The following JPT2 variants were observed in gnomAD, a reference collection of about 807,000 sequenced individuals.
The protein encoded by JPT2 is CRAMP_1 like.
In JPT2, 9 loss-of-function variants were observed where a neutral mutation model predicts 15.9. The ratio of observed to expected loss-of-function variants is 0.57; its 90% CI spans 0.34 to 0.99. The LOEUF is 0.99. Ranked by LOEUF, JPT2 falls within the 50% of genes least tolerant of loss-of-function variation. JPT2 has a pLI of 0.02. For missense variants in JPT2, 267 were observed against 252.1 expected, an observed-to-expected ratio of 1.06 and a Z score of -0.40; for synonymous variants, 95 against 91.7, an observed-to-expected ratio of 1.04 and a Z score of -0.21.
intron 1 of JPT2, 82 bp from the exon 2 acceptor site, chr16:1,685,357 T>G: frequency 1.4e-6 from 2 of 1,416,306 alleles, no homozygotes; most frequent in Non-Finnish European, 1.9e-6. Context: ...ACTTTTACCC[T>G]GTCTAGTTGT....
At chr16:1,695,254 A>G (rs542722543) in intron 3 of JPT2, among the ~76,000 whole-genome samples, 1 of 152,180 alleles carries the variant, frequency 6.6e-6, no homozygotes, top group South Asian at 2.1e-4. Flanking sequence ...AAAAGTATAA[A>G]ATTAGCCGGG....
intron 2 of JPT2, 164 bp downstream of exon 2, chr16:1,685,751 T>C: frequency 2.7e-6 from 2 of 751,190 alleles, no homozygotes; most frequent in South Asian, 4.1e-5. Flanking sequence ...ACTTTCTCTC[T>C]TGAAGGTGAC....
chr16:1,695,488 C>T (rs1424957077), intron 3 of JPT2, among the ~76,000 whole-genome samples: 1 of 151,620 alleles, frequency 6.6e-6, no homozygotes, highest in African/African-American at 2.4e-5. Flanking sequence ...GGGAAGATTG[C>T]TTGAGCCCAG....
In JPT2 at chr16:1,699,828, C is replaced by T. The variant is rs2037168863; in HGVS notation, c.*830C>T. On this transcript the variant is annotated 3_prime_UTR_variant, in exon 5 of 5. Coordinates refer to ENST00000248098, the MANE Select transcript of JPT2 (RefSeq NM_144570.3). ...TCCCTTCACAAGTCACAGTTCTTCC[C>T]ATAAATGAGGCCCGCTGACCTCTGC... is the stretch of plus-strand genomic sequence containing the variant. The T allele has an allele frequency of 3.9e-6, 1 of 256,550 alleles. No homozygotes were observed. The highest frequency in any genetic ancestry group is 8.0e-6 in the Non-Finnish European group (1 of 125,014). The allele number at this position is 256,550 out of a possible 1,614,324, so 15.9% of individuals were successfully genotyped here.
chr16:1,679,676 G>A (rs985309330), intron 1 of JPT2, among the ~76,000 whole-genome samples: 9 of 149,222 alleles, frequency 6.0e-5, no homozygotes, highest in East Asian at 1.9e-4. Flanking sequence ...CAGCCTGTAC[G>A]ACAGAGCAAG....
intron 1 of JPT2, among the ~76,000 whole-genome samples, chr16:1,680,877 A>G (rs1342853398): frequency 6.6e-6 from 1 of 152,134 alleles, no homozygotes; most frequent in African/African-American, 2.4e-5. Context: ...GGGACAAACT[A>G]TTAGAGAGGG....
chr16:1,680,366 TGCACAGG>T, intron 1 of JPT2: 1 of 1,016,490 alleles, frequency 9.8e-7, no homozygotes, highest in Non-Finnish European at 1.2e-6. Context: ...AGAAGTTAGC[TGCACAGG>T]GCCGCACTAA....
At chr16:1,697,922 G>A in intron 4 of JPT2, 62 bp downstream of exon 4, 3 of 1,451,960 alleles carry the variant, frequency 2.1e-6, no homozygotes, top group Non-Finnish European at 2.9e-6. Context: ...AGAGTTGCTA[G>A]TCTCTCCTCT....
At chr16:1,678,688 G>T (rs7196848) in intron 1 of JPT2, among the ~76,000 whole-genome samples, 2,730 of 152,200 alleles carry the variant, frequency 0.018, 98 homozygotes, top group African/African-American at 0.062. Flanking sequence ...CGTGTGGTGC[G>T]TTCCGTGGGG....
At chr16:1,682,763 C>G (rs564807574) in intron 1 of JPT2, among the ~76,000 whole-genome samples, 97 of 152,266 alleles carry the variant, frequency 6.4e-4, no homozygotes, top group Admixed American at 1.2e-3. Flanking sequence ...CTAAGAGCAC[C>G]TCACCTAAAA....
chr16:1,695,173 A>G (rs944360365), intron 3 of JPT2, among the ~76,000 whole-genome samples: 17 of 152,154 alleles, frequency 1.1e-4, no homozygotes, highest in African/African-American at 4.1e-4. Flanking sequence ...TGGGAGGCCG[A>G]GGCAGGCGGA....
intron 1 of JPT2, chr16:1,683,423 T>TTTAAGCTTTAATATTTACC (rs2037040237): frequency 1.1e-6 from 1 of 877,566 alleles, no homozygotes; most frequent in Admixed American, 2.2e-5. Flanking sequence ...CCCTTTCTCA[T>TTTAAGCTTTAATATTTACC]TTAAGCTTGG....
chr16:1,694,348 C>A (rs2037126055), intron 3 of JPT2, among the ~76,000 whole-genome samples: 1 of 152,178 alleles, frequency 6.6e-6, no homozygotes, highest in Non-Finnish European at 1.5e-5. Context: ...TTAATTAACA[C>A]CACAGAGCTG....
intron 1 of JPT2, chr16:1,683,419 CTCATTTAAGCTT>C: frequency 2.4e-6 from 2 of 834,902 alleles, no homozygotes; most frequent in Non-Finnish European, 3.8e-6. Context: ...ACAGCCCTTT[CTCATTTAAGCTT>C]GGTTATTGGT....
rs942763237 is a variant in JPT2, at chr16:1,699,664, C to T, written c.*666C>T. 2.3e-5 allele frequency: 6 copies of T among 263,076 alleles called. No individual in the cohort carries two copies. The highest frequency in any genetic ancestry group is 1.3e-4 in the African/African-American group (6 of 45,444). The allele number at this position is 263,076 out of a possible 1,614,324, so 16.3% of individuals were successfully genotyped here. ...ATCTGAAACCTCGGCCTGATCTGAT[C>T]TCATGTTGGAATCTGCCTGTCTTTC... On this transcript the variant is annotated 3_prime_UTR_variant, in exon 5 of 5. Coordinates refer to ENST00000248098, the MANE Select transcript of JPT2 (RefSeq NM_144570.3).
chr16:1,685,496 T>C lies in JPT2; in HGVS notation c.102T>C (p.Ala34=). The part of the protein sequence containing the change: ...SSNLFGSPEE[A]TPSSRPNRMA... ...ATCTTTTTGGAAGTCCAGAAGAAGC[T>C]ACTCCTTCCAGCAGGCCTAATAGGA... is the stretch of plus-strand genomic sequence containing the variant. Residue 34 remains alanine (A), a synonymous_variant, in exon 2 of 5, where the codon GCT becomes GCC. Coordinates refer to ENST00000248098, the MANE Select transcript of JPT2 (RefSeq NM_144570.3). 1 of 1,614,164 alleles carries C rather than the reference T, an allele frequency of 6.2e-7. No homozygotes were observed. Among genetic ancestry groups the C allele is most frequent in the South Asian group, 1.1e-5 (1 of 91,082 alleles).
chr16:1,682,672 CA>C (rs531013322), intron 1 of JPT2, among the ~76,000 whole-genome samples: 1,458 of 115,224 alleles, frequency 0.013, 9 homozygotes, highest in African/African-American at 0.025. Flanking sequence ...GATTTCGTCT[CA>C]AAAAAAAAAA....
At position 1,685,473 on chromosome 16, in the gene JPT2, C is replaced by A. The variant is rs987887233; in HGVS notation, c.79C>A (p.Leu27Ile). 15 of 1,614,006 alleles carry A rather than the reference C, an allele frequency of 9.3e-6. No homozygotes were observed. Among genetic ancestry groups the A allele is most frequent in the Non-Finnish European group, 1.2e-5 (14 of 1,180,018 alleles). The change falls in exon 2 of 5, where the codon CTT (leucine) becomes ATT (isoleucine). Residue 27 changes from leucine to isoleucine, a missense_variant. Transcript: ENST00000248098. ...GCCCCCAGGAGGAGAATCGAGCAATCTTTTTGGAAGTCCAGAAGAAGCTAC... is the reference window on the plus strand; with the variant it reads ...GCCCCCAGGAGGAGAATCGAGCAATATTTTTGGAAGTCCAGAAGAAGCTAC... ...MKPPGGESSNLFGSPEEATPS... is the reference protein window; with the variant it reads ...MKPPGGESSNIFGSPEEATPS...
At chr16:1,682,121 A>G (rs1341922496) in intron 1 of JPT2, among the ~76,000 whole-genome samples, 2 of 152,326 alleles carry the variant, frequency 1.3e-5, no homozygotes, top group African/African-American at 4.8e-5. Context: ...CACGCCTGTA[A>G]TCCCAGCACT....
Sources: gnomAD v4.1 joint callset for allele counts (sites outside exome capture counted in the v4.1 genomes callset) on GRCh38, gnomAD v4.1.1 for gene constraint, MANE v1.5 for transcripts, NCBI Gene and HGNC (gene_info 2026-07-23, HGNC 2026-07-21) for gene names.